RAP1A: variants seen among roughly 807,000 people sequenced by gnomAD.
The protein encoded by RAP1A is ras-related protein Rap-1A.
Under a neutral mutation model 26.4 loss-of-function variants are expected in RAP1A, and 6 were observed. The observed-to-expected ratio is 0.23, with a 90% CI of 0.12 to 0.45. The LOEUF is 0.45. RAP1A is among the 20% of genes least tolerant of loss of function. The probability of loss-of-function intolerance (pLI) is 0.99; values close to 1 mark genes in which losing one functional copy is unlikely to be tolerated. For synonymous variants in RAP1A, 73 were observed against 79.4 expected (o/e 0.92, Z 0.43); for missense variants, 121 against 217.2 (o/e 0.56, Z 2.78).
rs149830306 is a variant in RAP1A at position 111,651,937 on chromosome 1, C to CTT, written c.-28+32014_-28+32015dup. ...CCAAATATATGTATTTTTTAATTGA[C>CTT]TTTTTTTTTTTTGTGCAAAAAGTTT... On this transcript the variant is annotated intron_variant, in intron 1 of 7. Coordinates refer to ENST00000369709, the MANE Select transcript of RAP1A (RefSeq NM_002884.4). Among the ~76,000 whole-genome samples the CTT allele has an allele frequency of 4.8e-5, 7 of 145,816 alleles. No homozygotes were observed. In the East Asian group the frequency reaches 8.1e-4, roughly 17 times the overall value.
intron 1 of RAP1A, among the ~76,000 whole-genome samples, chr1:111,676,796 A>ATT (rs559287814): frequency 4.9e-5 from 7 of 144,210 alleles, no homozygotes; most frequent in African/African-American, 1.8e-4. Context: ...TCTTCTCTAG[A>ATT]TTTTTTTTTT....
intron 1 of RAP1A, among the ~76,000 whole-genome samples, chr1:111,607,945 G>A (rs1658831993): frequency 7.0e-6 from 1 of 142,474 alleles, no homozygotes; most frequent in Non-Finnish European, 1.5e-5. Flanking sequence ...AGGCGGCAGG[G>A]CAGAGGCGCC....
chr1:111,649,181 G>A (rs1329335709), intron 1 of RAP1A: 4 of 531,238 alleles, frequency 7.5e-6, no homozygotes, highest in African/African-American at 5.7e-5. Flanking sequence ...TCACGTCCTC[G>A]ATGGTCTTGA....
intron 1 of RAP1A, among the ~76,000 whole-genome samples, chr1:111,591,410 A>G (rs1658468936): frequency 6.6e-6 from 1 of 152,168 alleles, no homozygotes; most frequent in South Asian, 2.1e-4. Flanking sequence ...CTTGAGATGG[A>G]CATGTGACTC....
intron 1 of RAP1A, among the ~76,000 whole-genome samples, chr1:111,545,174 T>A (rs1295750786): frequency 6.6e-6 from 1 of 152,184 alleles, no homozygotes; most frequent in Non-Finnish European, 1.5e-5. Context: ...ACAGTAACTT[T>A]ATTTTCAACT....
chr1:111,663,769 T>C (rs575208), intron 1 of RAP1A, among the ~76,000 whole-genome samples: 72,814 of 152,016 alleles, frequency 0.48, 17,743 homozygotes, highest in African/African-American at 0.56. Context: ...TCTACTATTT[T>C]CCAACTATTG....
chr1:111,597,853 A>G (rs1780555), intron 1 of RAP1A, among the ~76,000 whole-genome samples: 23,396 of 152,176 alleles, frequency 0.15, 1,923 homozygotes, highest in South Asian at 0.18. Flanking sequence ...TAATGACTCT[A>G]TTGAGTTTCT....
intron 1 of RAP1A, among the ~76,000 whole-genome samples, chr1:111,573,705 C>G (rs760728683): frequency 5.2e-4 from 79 of 152,116 alleles, no homozygotes; most frequent in Non-Finnish European, 9.8e-4. Flanking sequence ...TTGCATTTCT[C>G]TAATGATCAG....
chr1:111,580,607 G>C (rs1658236123), intron 1 of RAP1A, among the ~76,000 whole-genome samples: 1 of 152,182 alleles, frequency 6.6e-6, no homozygotes. Flanking sequence ...CCAGCACTTT[G>C]GGAGGCCAAG....
chr1:111,548,721 TC>T (rs1299630877), intron 1 of RAP1A, among the ~76,000 whole-genome samples: 2 of 152,232 alleles, frequency 1.3e-5, no homozygotes, highest in Non-Finnish European at 2.9e-5. Flanking sequence ...TATCATCTCA[TC>T]CTTTCTTAAA....
chr1:111,583,054 T>A (rs982752619), intron 1 of RAP1A, among the ~76,000 whole-genome samples: 4 of 152,084 alleles, frequency 2.6e-5, no homozygotes, highest in Non-Finnish European at 5.9e-5. Flanking sequence ...AAGAATAATG[T>A]TTACAAAGTA....
chr1:111,612,251 G>A (rs1171281478), intron 1 of RAP1A, among the ~76,000 whole-genome samples: 1 of 152,134 alleles, frequency 6.6e-6, no homozygotes, highest in African/African-American at 2.4e-5. Flanking sequence ...GCTGTGTCTT[G>A]CCTGGTGCTC....
At chr1:111,622,940 A>G (rs1040809304) in intron 1 of RAP1A, among the ~76,000 whole-genome samples, 2 of 152,110 alleles carry the variant, frequency 1.3e-5, no homozygotes, top group African/African-American at 4.8e-5. Context: ...GGTTGATGAT[A>G]TTTTATATAA....
chr1:111,642,598 C>G (rs1272913076), intron 1 of RAP1A, among the ~76,000 whole-genome samples: 1 of 151,866 alleles, frequency 6.6e-6, no homozygotes, highest in Non-Finnish European at 1.5e-5. Flanking sequence ...CGCCATTCTC[C>G]TGCGTCAGCC....
intron 1 of RAP1A, among the ~76,000 whole-genome samples, chr1:111,632,789 C>T (rs535449386): frequency 3.9e-5 from 6 of 151,942 alleles, no homozygotes; most frequent in East Asian, 3.9e-4. Flanking sequence ...GGCGCGGTGG[C>T]GCATGCCTGT....
intron 1 of RAP1A, among the ~76,000 whole-genome samples, chr1:111,556,756 G>A (rs1034593915): frequency 1.3e-5 from 2 of 152,098 alleles, no homozygotes; most frequent in South Asian, 2.1e-4. Context: ...TGGATAGTTA[G>A]TGTTTAATGG....
intron 1 of RAP1A, among the ~76,000 whole-genome samples, chr1:111,686,369 C>T (rs1478157453): frequency 2.0e-5 from 3 of 152,066 alleles, no homozygotes; most frequent in South Asian, 2.1e-4. Context: ...GAGGCCGAGG[C>T]GTCTTGAGCC....
chr1:111,603,855 A>G (rs1441506502), intron 1 of RAP1A, among the ~76,000 whole-genome samples: 1 of 152,202 alleles, frequency 6.6e-6, no homozygotes, highest in Non-Finnish European at 1.5e-5. Context: ...ATCCTGCCCA[A>G]CTTTGACCCT....
intron 1 of RAP1A, among the ~76,000 whole-genome samples, chr1:111,544,623 G>T (rs112382299): frequency 1.0e-3 from 154 of 152,186 alleles, no homozygotes; most frequent in African/African-American, 3.5e-3. Flanking sequence ...CATTTGGTTT[G>T]TTCCATTTTC....
Sources: gnomAD v4.1 joint callset for allele counts (sites outside exome capture counted in the v4.1 genomes callset) on GRCh38, gnomAD v4.1.1 for gene constraint, MANE v1.5 for transcripts, NCBI Gene and HGNC (gene_info 2026-07-23, HGNC 2026-07-21) for gene names.